ATP6V0A1: variants seen among roughly 807,000 people sequenced by gnomAD.
ATP6V0A1 encodes the protein ATPase H+ transporting V0 subunit a1.
In ATP6V0A1, 43 loss-of-function variants were observed where a neutral mutation model predicts 105.4. That is an observed-to-expected ratio of 0.41 (90% CI 0.32 to 0.53). ATP6V0A1 has a LOEUF of 0.53. Among genes scored for constraint, ATP6V0A1 ranks in the 20% least tolerant of loss-of-function variants. The pLI is 0.30. For missense variants in ATP6V0A1, 676 were observed against 1,051.1 expected, an observed-to-expected ratio of 0.64 and a Z score of 4.93; for synonymous variants, 362 against 372.8, an observed-to-expected ratio of 0.97 and a Z score of 0.33.
rs2089384729 is a variant in ATP6V0A1, at chr17:42,480,696, C to T, written c.663C>T (p.Ile221=). ...ACTACGTGCACAAGTCTGTGTTTAT[C>T]ATTTTCTTCCAAGGCGATCAGCTGA... is the stretch of plus-strand genomic sequence containing the variant. ...TGDYVHKSVF[I]IFFQGDQLKN... The change falls in exon 8 of 22, where the codon ATC becomes ATT. Residue 221 remains isoleucine, a synonymous_variant. Coordinates refer to ENST00000343619, the MANE Select transcript of ATP6V0A1 (RefSeq NM_001130021.3). 6.2e-7 allele frequency: 1 copy of T among 1,613,764 alleles called. No homozygotes were observed. The highest frequency in any genetic ancestry group is 8.5e-7 in the Non-Finnish European group (1 of 1,179,864).
At chr17:42,514,159 G>A in intron 20 of ATP6V0A1, 130 bp from the exon 21 acceptor site, 1 of 1,330,920 alleles carries the variant, frequency 7.5e-7, no homozygotes, top group Non-Finnish European at 1.0e-6. Flanking sequence ...GCTCTGCATG[G>A]TGGTCCCACT....
intron 19 of ATP6V0A1, chr17:42,513,650 TCAGG>T: frequency 1.7e-6 from 1 of 571,938 alleles, no homozygotes; most frequent in East Asian, 2.9e-5. Context: ...GAGGGCTAAG[TCAGG>T]CAGGATTTTT....
chr17:42,478,085 A>G (rs1370191720), intron 6 of ATP6V0A1, among the ~76,000 whole-genome samples: 1 of 152,066 alleles, frequency 6.6e-6, no homozygotes, highest in Non-Finnish European at 1.5e-5. Flanking sequence ...GCTGGAAACC[A>G]TCATTCTCAG....
intron 3 of ATP6V0A1, 108 bp downstream of exon 3, chr17:42,466,615 A>G (rs1479154521): frequency 2.0e-6 from 2 of 1,012,462 alleles, no homozygotes; most frequent in Non-Finnish European, 1.5e-6. Context: ...GAGAAAAGGG[A>G]AAAATCTTGC....
intron 7 of ATP6V0A1, among the ~76,000 whole-genome samples, chr17:42,479,234 A>G (rs993353564): frequency 4.6e-5 from 7 of 152,216 alleles, no homozygotes; most frequent in African/African-American, 1.7e-4. Context: ...ATTCATGTAT[A>G]AAAAGAGAAG....
chr17:42,484,048 TTTTTG>T (rs994624600), intron 9 of ATP6V0A1, among the ~76,000 whole-genome samples: 2 of 151,236 alleles, frequency 1.3e-5, no homozygotes, highest in Non-Finnish European at 2.9e-5. Context: ...TGTTTTTTGT[TTTTTG>T]TTTTGTTTGT....
In ATP6V0A1 at chr17:42,461,306, A is replaced by T. The variant is rs544326866; in HGVS notation, c.117+295A>T. On this transcript the variant is annotated intron_variant, in intron 2 of 21. Transcript: ENST00000343619. Reference sequence around the variant, plus strand: ...AACCTGATCAAGGCTTTCACTTGCTAAATAGCAAGGTATTTAAAAAAATAT... The same window carrying T: ...AACCTGATCAAGGCTTTCACTTGCTTAATAGCAAGGTATTTAAAAAAATAT... 2.0e-5 allele frequency among the ~76,000 whole-genome samples: 3 copies of T among 152,322 alleles called. No homozygotes were observed. In the East Asian group the frequency reaches 5.8e-4, roughly 29 times the overall value.
intron 1 of ATP6V0A1, chr17:42,460,340 A>G (rs1015941579): frequency 7.9e-5 from 12 of 152,372 alleles, no homozygotes; most frequent in Admixed American, 5.9e-4. Context: ...GTGTAGCCAT[A>G]GCTTTAGGAT....
intron 18 of ATP6V0A1, 85 bp from the exon 19 acceptor site, chr17:42,508,487 A>G: frequency 6.4e-7 from 1 of 1,562,658 alleles, no homozygotes; most frequent in Non-Finnish European, 8.8e-7. Flanking sequence ...GTCCTCCCCA[A>G]GAAGCATTCA....
At chr17:42,506,485 A>G (rs556144700) in intron 17 of ATP6V0A1, among the ~76,000 whole-genome samples, 3 of 152,348 alleles carry the variant, frequency 2.0e-5, no homozygotes, top group East Asian at 1.9e-4. Context: ...GAGGATGAGG[A>G]GCGCAGGGCA....
Position 42,501,235 on chromosome 17 carries a change from G to A in ATP6V0A1, c.1935G>A (p.Leu645=). 6.2e-7 allele frequency: 1 copy of A among 1,614,104 alleles called. No individual in the cohort carries two copies. Among genetic ancestry groups the A allele is most frequent in the Non-Finnish European group, 8.5e-7 (1 of 1,180,000 alleles). ...GTTTCCTGGTAGTGGTTGCACTACT[G>A]TGTGTACCTTGGATGCTGCTGTTTA... The part of the protein sequence containing the change: ...IQCFLVVVAL[L]CVPWMLLFKP... The change falls in exon 17 of 22, where the codon CTG becomes CTA. Residue 645 remains leucine (L), a synonymous_variant. Coordinates refer to ENST00000343619, the MANE Select transcript of ATP6V0A1 (RefSeq NM_001130021.3).
chr17:42,467,077 G>T (rs917211490), intron 3 of ATP6V0A1, among the ~76,000 whole-genome samples: 3 of 152,030 alleles, frequency 2.0e-5, no homozygotes, highest in Non-Finnish European at 4.4e-5. Flanking sequence ...GACCCGGGAG[G>T]CAGAGCTTGC....
intron 17 of ATP6V0A1, 64 bp downstream of exon 17, chr17:42,501,368 C>A: frequency 8.7e-7 from 1 of 1,155,120 alleles, no homozygotes; most frequent in Non-Finnish European, 1.3e-6. Context: ...AAGGCAATTC[C>A]CCAGTGGATA....
chr17:42,485,809 G>C (rs1004595873), intron 9 of ATP6V0A1, among the ~76,000 whole-genome samples: 1 of 152,076 alleles, frequency 6.6e-6, no homozygotes, highest in Admixed American at 6.6e-5. Flanking sequence ...CTCCTGCCTT[G>C]GCCTCCCAAA....
chr17:42,492,989 G>A (rs1326278525), intron 11 of ATP6V0A1, among the ~76,000 whole-genome samples: 1 of 152,112 alleles, frequency 6.6e-6, no homozygotes. Context: ...CTGCACTCCA[G>A]CCTGAGTGAC....
intron 14 of ATP6V0A1, among the ~76,000 whole-genome samples, chr17:42,498,550 G>A (rs2091392081): frequency 2.0e-5 from 3 of 152,100 alleles, no homozygotes; most frequent in East Asian, 1.9e-4. Flanking sequence ...ATTGTCGACC[G>A]GGCGCGGTGG....
At chr17:42,508,438 A>C in intron 18 of ATP6V0A1, 134 bp from the exon 19 acceptor site, 1 of 1,077,416 alleles carries the variant, frequency 9.3e-7, no homozygotes, top group African/African-American at 1.6e-5. Flanking sequence ...TATGCTGAGG[A>C]GGCCTGCCTC....
At chr17:42,489,408 T>A (rs1446822165) in intron 10 of ATP6V0A1, among the ~76,000 whole-genome samples, 1 of 152,116 alleles carries the variant, frequency 6.6e-6, no homozygotes, top group Non-Finnish European at 1.5e-5. Flanking sequence ...AGTAATCTGC[T>A]GATAGTATCT....
intron 2 of ATP6V0A1, among the ~76,000 whole-genome samples, chr17:42,462,060 A>T (rs1391247385): frequency 6.6e-6 from 1 of 151,242 alleles, no homozygotes; most frequent in Non-Finnish European, 1.5e-5. Flanking sequence ...AAAAAAAAAA[A>T]AAAAAAATGC....
Sources: gnomAD v4.1 joint callset for allele counts (sites outside exome capture counted in the v4.1 genomes callset) on GRCh38, gnomAD v4.1.1 for gene constraint, MANE v1.5 for transcripts, NCBI Gene and HGNC (gene_info 2026-07-23, HGNC 2026-07-21) for gene names.